ATP13A2: variants seen among roughly 807,000 people sequenced by gnomAD.
ATP13A2 encodes ATPase cation transporting 13A2.
Under a neutral mutation model 138.3 loss-of-function variants are expected in ATP13A2, and 83 were observed. The observed-to-expected ratio is 0.60, with a 90% CI of 0.50 to 0.72. The LOEUF (loss-of-function observed/expected upper bound fraction) is 0.72. Ranked by LOEUF, ATP13A2 falls within the 30% of genes least tolerant of loss-of-function variation. The pLI, the probability that ATP13A2 is intolerant of heterozygous loss-of-function variation, is 0.00. For synonymous variants in ATP13A2, 663 were observed against 699.0 expected, an observed-to-expected ratio of 0.95 and a Z score of 0.81; for missense variants, 1,402 against 1,606.4, an observed-to-expected ratio of 0.87 and a Z score of 2.17.
chr1:17,006,468 C>T (rs2077565739), intron 1 of ATP13A2, among the ~76,000 whole-genome samples: 2 of 152,064 alleles, frequency 1.3e-5, no homozygotes, highest in South Asian at 4.1e-4. Flanking sequence ...CCAGGCTGGT[C>T]TCGAACTCCT....
intron 1 of ATP13A2, among the ~76,000 whole-genome samples, chr1:17,006,374 C>T (rs904043600): frequency 8.6e-5 from 13 of 151,748 alleles, no homozygotes; most frequent in Non-Finnish European, 1.9e-4. Context: ...CCTCAGCCTC[C>T]CGAGTAGCTG....
Position 16,992,096 on chromosome 1 carries a change from T to C in ATP13A2, c.2039A>G (p.Tyr680Cys), listed in dbSNP as rs1557681234. ...CACGACACGGTAGCCAGCAGCTGTA[T>C]AGCTCTGCAGCATCTGGGCGAAGTC... ...PTDFAQMLQSYTAAGYRVVAL... is the reference protein window; with the variant it reads ...PTDFAQMLQSCTAAGYRVVAL... Residue 680 changes from tyrosine to cysteine, a missense_variant, in exon 19 of 29, where the codon TAT becomes TGT. Physicochemically the swap from Tyr to Cys is radical, Grantham distance 194. Coordinates refer to ENST00000326735, the MANE Select transcript of ATP13A2 (RefSeq NM_022089.4). The C allele has an allele frequency of 1.2e-6, 2 of 1,613,566 alleles. No homozygotes were observed. The highest frequency in any genetic ancestry group is 1.7e-6 in the Non-Finnish European group (2 of 1,179,796).
Position 17,002,409 on chromosome 1 carries a change from G to A in ATP13A2, c.558-36C>T, listed in dbSNP as rs369630260. 255 of 1,602,030 alleles carry A rather than the reference G, an allele frequency of 1.6e-4. 1 individual carries two copies. The African/African-American group carries it at 3.2e-3, about 20-fold the overall frequency. On this transcript the variant is annotated intron_variant, in intron 6 of 28. Coordinates refer to ENST00000326735, the MANE Select transcript of ATP13A2 (RefSeq NM_022089.4). ...GTGCGAGGGGACACGCATGGGCCAT[G>A]GGGCCTGAGGTCTGCATCCCCCACC... is the stretch of plus-strand genomic sequence containing the variant.
chr1:16,997,302 A>G (rs2077166428), intron 11 of ATP13A2, 127 bp from the exon 12 acceptor site: 6 of 1,144,686 alleles, frequency 5.2e-6, no homozygotes, highest in Non-Finnish European at 7.6e-6. Flanking sequence ...TGTGAACAAG[A>G]AATCACAGCC....
chr1:16,999,668 G>A (rs984179842), intron 11 of ATP13A2, among the ~76,000 whole-genome samples: 7 of 152,286 alleles, frequency 4.6e-5, no homozygotes, highest in South Asian at 2.1e-4. Flanking sequence ...TTGGGAGGCC[G>A]AGGTGGGCAG....
In ATP13A2 at chr1:16,989,987, G is replaced by A. The variant is rs749802732; in HGVS notation, c.2429C>T (p.Ala810Val). The A allele has an allele frequency of 4.3e-6, 7 of 1,611,204 alleles. No homozygotes were observed. In the East Asian group the frequency reaches 1.6e-4, roughly 36 times the overall value. The change falls in exon 22 of 29, where the codon GCA becomes GTA. Residue 810 changes from alanine to valine, a missense_variant. Ala to Val is a moderately conservative substitution (Grantham distance 64). Coordinates refer to ENST00000326735, the MANE Select transcript of ATP13A2 (RefSeq NM_022089.4). ...GGGGTCTGGCTCCACGGTGTAGCTT[G>A]CAGCCTGGTCAGGATCCTGGGGGCC... ...VNGVKDPDQAASYTVEPDPRS... is the reference protein window; with the variant it reads ...VNGVKDPDQAVSYTVEPDPRS...
rs759228756 is a variant in ATP13A2 at position 16,995,928 on chromosome 1, G to A, written c.1542+48C>T. On this transcript the variant is annotated intron_variant, in intron 15 of 28. Transcript: ENST00000326735. The surrounding 1 kb of genome is among the most constrained non-coding windows in gnomAD (Gnocchi z 4.1). ...GCGGGTGTGGAGGCCTCACTGGGGC[G>A]CCTGTGGCTGTCCCGCTCCCCTGCA... The A allele has an allele frequency of 1.7e-5, 28 of 1,609,512 alleles. No individual in the cohort carries two copies. The highest frequency in any genetic ancestry group is 1.6e-4 in the Middle Eastern group (1 of 6,070).
At position 16,995,774 on chromosome 1, in the gene ATP13A2, A is replaced by G. The variant is rs566375943; in HGVS notation, c.1542+202T>C. On this transcript the variant is annotated intron_variant, in intron 15 of 28. Transcript: ENST00000326735. This position sits in a 1 kb window ranked among gnomAD's most constrained non-coding sequence, Gnocchi z 4.1. ...CACCAGTTCTTGAACACATGAATACATGATTCTAGACATTTCATCTGCCAG... is the reference window on the plus strand; with the variant it reads ...CACCAGTTCTTGAACACATGAATACGTGATTCTAGACATTTCATCTGCCAG... 1 of 735,750 alleles carries G rather than the reference A, an allele frequency of 1.4e-6. No individual in the cohort carries two copies. The highest frequency in any genetic ancestry group is 2.4e-6 in the Non-Finnish European group (1 of 424,714). The allele number at this position is 735,750 out of a possible 1,614,324, so 45.6% of individuals were successfully genotyped here.
intron 2 of ATP13A2, 28 bp from the exon 3 acceptor site, chr1:17,005,584 G>T: frequency 6.2e-7 from 1 of 1,614,192 alleles, no homozygotes. Flanking sequence ...GAGGGCCCAG[G>T]TCGGGGTGGG....
At chr1:16,997,217 C>T in intron 11 of ATP13A2, 42 bp from the exon 12 acceptor site, 1 of 1,611,688 alleles carries the variant, frequency 6.2e-7, no homozygotes, top group Non-Finnish European at 8.5e-7. Context: ...ACACCCCTCC[C>T]TCCCACCAGC....
Position 16,995,855 on chromosome 1 carries a change from A to G in ATP13A2, c.1542+121T>C, listed in dbSNP as rs1421769075. On this transcript the variant is annotated intron_variant, in intron 15 of 28. Coordinates refer to ENST00000326735, the MANE Select transcript of ATP13A2 (RefSeq NM_022089.4). This position sits in a 1 kb window ranked among gnomAD's most constrained non-coding sequence, Gnocchi z 4.1. ...TGGGGTGGATCCTCTGGGGGTTTCC[A>G]TCCCTAGACAGGACCTGGCATCCTG... 7.9e-7 allele frequency: 1 copy of G among 1,265,944 alleles called. No individual in the cohort carries two copies. Among genetic ancestry groups the G allele is most frequent in the South Asian group, 1.3e-5 (1 of 78,614 alleles). The allele number at this position is 1,265,944 out of a possible 1,614,324, so 78.4% of individuals were successfully genotyped here.
At chr1:17,010,782 AG>A (rs1246289861) in intron 1 of ATP13A2, among the ~76,000 whole-genome samples, 13 of 152,110 alleles carry the variant, frequency 8.5e-5, no homozygotes, top group Non-Finnish European at 1.9e-4. Context: ...TGTGGATCAG[AG>A]GGGCTAGAGC....
chr1:17,007,096 C>T (rs2101177223), intron 1 of ATP13A2, among the ~76,000 whole-genome samples: 1 of 152,278 alleles, frequency 6.6e-6, no homozygotes, highest in Admixed American at 6.5e-5. Context: ...TCAGGGTGGT[C>T]TCAAACTGCC....
chr1:17,011,816 G>GGGGGCGCGGTCCGGACGGCCCGGGGCGA lies in ATP13A2; in HGVS notation c.-106_-79dup. 8.7e-7 allele frequency: 1 copy of GGGGGCGCGGTCCGGACGGCCCGGGGCGA among 1,148,442 alleles called. No homozygotes were observed. The highest frequency in any genetic ancestry group is 1.1e-6 in the Non-Finnish European group (1 of 939,512). The allele number at this position is 1,148,442 out of a possible 1,614,324, so 71.1% of individuals were successfully genotyped here. A position where few individuals can be genotyped will look rare whatever the true frequency, so the allele number is the denominator to read the frequency against. ...CCCCGGCGTGCGCAAGGCCCTGGGC[G>GGGGGCGCGGTCCGGACGGCCCGGGGCGA]GGGGCGCGGTCCGGACGGCCCGGGG... On this transcript the variant is annotated 5_prime_UTR_variant, in exon 1 of 29. Coordinates refer to ENST00000326735, the MANE Select transcript of ATP13A2 (RefSeq NM_022089.4). This position sits in a 1 kb window ranked among gnomAD's most constrained non-coding sequence, Gnocchi z 7.3.
chr1:17,004,903 C>T lies in ATP13A2; in HGVS notation c.348-82G>A. Reference sequence around the variant, plus strand: ...TGTGCTCACAGAGCCATCTTCCCTCCCTAGGATGGGAGGCGCCAGAGTCAG... The same window carrying T: ...TGTGCTCACAGAGCCATCTTCCCTCTCTAGGATGGGAGGCGCCAGAGTCAG... On this transcript the variant is annotated intron_variant, in intron 4 of 28. Transcript: ENST00000326735. This position sits in a 1 kb window ranked among gnomAD's most constrained non-coding sequence, Gnocchi z 4.1. 1 of 1,612,972 alleles carries T rather than the reference C, an allele frequency of 6.2e-7. No individual in the cohort carries two copies. The highest frequency in any genetic ancestry group is 8.5e-7 in the Non-Finnish European group (1 of 1,179,812).
chr1:17,003,030 G>A (rs1220133499), intron 6 of ATP13A2, among the ~76,000 whole-genome samples: 2 of 152,168 alleles, frequency 1.3e-5, no homozygotes, highest in Non-Finnish European at 1.5e-5. Context: ...ATAATGGCAG[G>A]GAATTTGATG....
chr1:17,010,506 A>G (rs1387275219), intron 1 of ATP13A2, among the ~76,000 whole-genome samples: 2 of 152,044 alleles, frequency 1.3e-5, no homozygotes, highest in African/African-American at 4.8e-5. Context: ...TATTATCCCC[A>G]TTGTACACCT....
chr1:16,992,201 G>C, intron 18 of ATP13A2, 42 bp downstream of exon 18: 2 of 1,611,770 alleles, frequency 1.2e-6, no homozygotes, highest in Non-Finnish European at 1.7e-6. Context: ...CCCATTCTGT[G>C]CCAATGCCCA....
At chr1:16,996,736 C>T (rs2077139612) in intron 12 of ATP13A2, 1 of 618,006 alleles carries the variant, frequency 1.6e-6, no homozygotes, top group Non-Finnish European at 2.9e-6. Flanking sequence ...AATCCAGACA[C>T]AGGGAAGGCT....
Sources: allele counts gnomAD v4.1 joint callset (sites outside exome capture counted in the v4.1 genomes callset), GRCh38; gene constraint gnomAD v4.1.1; non-coding constraint Gnocchi (gnomAD v3.1); transcripts MANE v1.5; gene names NCBI Gene and HGNC (gene_info 2026-07-23, HGNC 2026-07-21).